Variants in PLCB1 observed in about 807,000 individuals in gnomAD.
The protein encoded by PLCB1 is 1-phosphatidylinositol 4,5-bisphosphate phosphodiesterase beta-1.
A neutral mutation model predicts 161.8 loss-of-function variants in PLCB1; 46 were observed. The ratio of observed to expected loss-of-function variants is 0.28; its 90% CI spans 0.22 to 0.36. The LOEUF is 0.36. Ranked by LOEUF, PLCB1 falls within the 10% of genes least tolerant of loss-of-function variation. The pLI, the probability that PLCB1 is intolerant of heterozygous loss-of-function variation, is 1.00. For synonymous variants in PLCB1, 517 were observed against 503.7 expected, an observed-to-expected ratio of 1.03 and a Z score of -0.35; for missense variants, 1,016 against 1,472.5, an observed-to-expected ratio of 0.69 and a Z score of 5.07.
Position 8,695,306 on chromosome 20 carries a change from C to G in PLCB1, c.1010-2320C>G, listed in dbSNP as rs1990560924. On this transcript the variant is annotated intron_variant, in intron 10 of 31. Transcript: ENST00000338037. ...AAAATTAAGCTAGTAGGCTTAATCC[C>G]ATTTTCTTTGTCCTGTGTGTCTCCA... 2.0e-5 allele frequency among the ~76,000 whole-genome samples: 3 copies of G among 152,194 alleles called. 1 individual carries two copies. The South Asian group carries it at 6.2e-4, about 31-fold the overall frequency.
At chr20:8,734,020 C>T (rs1197648678) in intron 19 of PLCB1, among the ~76,000 whole-genome samples, 2 of 145,500 alleles carry the variant, frequency 1.4e-5, no homozygotes, top group African/African-American at 2.5e-5. Context: ...GCCAGCTACT[C>T]AAGAGGCTGA....
In PLCB1 at chr20:8,504,944, T is replaced by G. The variant is rs74887854; in HGVS notation, c.247-123350T>G. On this transcript the variant is annotated intron_variant, in intron 3 of 31. Coordinates refer to ENST00000338037, the MANE Select transcript of PLCB1 (RefSeq NM_015192.4). ...GTTCAGTGGAACGACATTGGCTTAT[T>G]GCAGCTTGACCTCCTGGGCTCAAGT... Among the ~76,000 whole-genome samples the G allele has an allele frequency of 1.5e-3, 222 of 152,292 alleles. 1 individual carries two copies. The highest frequency in any genetic ancestry group is 2.6e-3 in the Non-Finnish European group (177 of 68,026).
chr20:8,141,029 G>A (rs2123013260), intron 1 of PLCB1, among the ~76,000 whole-genome samples: 1 of 152,046 alleles, frequency 6.6e-6, no homozygotes, highest in Non-Finnish European at 1.5e-5. Flanking sequence ...AACTCCTGAT[G>A]TCATGATCCA....
At chr20:8,150,871 A>G (rs548906816) in intron 2 of PLCB1, among the ~76,000 whole-genome samples, 1 of 152,304 alleles carries the variant, frequency 6.6e-6, no homozygotes, top group African/African-American at 2.4e-5. Flanking sequence ...AAATTCCTTT[A>G]GCCTATTCCT....
intron 31 of PLCB1, among the ~76,000 whole-genome samples, chr20:8,806,617 T>G (rs1568607062): frequency 6.6e-6 from 1 of 152,180 alleles, no homozygotes; most frequent in Admixed American, 6.5e-5. Flanking sequence ...TGCCCCAGCC[T>G]TAGAACAGAA....
At chr20:8,864,267 A>G (rs1442384378) in intron 31 of PLCB1, among the ~76,000 whole-genome samples, 3 of 152,184 alleles carry the variant, frequency 2.0e-5, no homozygotes, top group African/African-American at 7.2e-5. Context: ...CTGGTCTTAG[A>G]TGATTTCTAT....
chr20:8,880,501 A>C (rs916244005), intron 31 of PLCB1, among the ~76,000 whole-genome samples: 1 of 151,734 alleles, frequency 6.6e-6, no homozygotes, highest in African/African-American at 2.4e-5. Context: ...AAGGCAAATA[A>C]AAATTAGAAT....
At chr20:8,684,130 C>T (rs1011864870) in intron 9 of PLCB1, among the ~76,000 whole-genome samples, 19 of 152,140 alleles carry the variant, frequency 1.2e-4, no homozygotes, top group African/African-American at 4.3e-4. Context: ...GTGATCTGCC[C>T]ACCTTGGCCT....
At chr20:8,196,101 C>T (rs1023052322) in intron 2 of PLCB1, among the ~76,000 whole-genome samples, 2 of 151,930 alleles carry the variant, frequency 1.3e-5, no homozygotes, top group Non-Finnish European at 2.9e-5. Flanking sequence ...TGGGGGAACC[C>T]GCCCCATCAT....
intron 2 of PLCB1, among the ~76,000 whole-genome samples, chr20:8,181,896 G>T (rs2051847698): frequency 1.3e-5 from 2 of 152,170 alleles, no homozygotes; most frequent in Non-Finnish European, 2.9e-5. Flanking sequence ...TTGAGCCCAA[G>T]AGTTACAGGT....
intron 2 of PLCB1, among the ~76,000 whole-genome samples, chr20:8,199,083 A>G (rs1454692792): frequency 1.3e-5 from 2 of 152,014 alleles, no homozygotes; most frequent in African/African-American, 4.8e-5. Context: ...TTTATTTACC[A>G]AAAGTGTGTG....
chr20:8,551,374 T>G lies in PLCB1; in HGVS notation c.247-76920T>G, dbSNP rs368336159. ...TGGTTTTTATGTACTTTGTGTTCAT[T>G]GATACTTATTTTCTTTCTTGGCTTC... is the stretch of plus-strand genomic sequence containing the variant. On this transcript the variant is annotated intron_variant, in intron 3 of 31. Coordinates refer to ENST00000338037, the MANE Select transcript of PLCB1 (RefSeq NM_015192.4). Among the ~76,000 whole-genome samples the G allele has an allele frequency of 2.0e-5, 3 of 152,332 alleles. No homozygotes were observed. The East Asian group carries it at 5.8e-4, about 29-fold the overall frequency.
At position 8,851,523 on chromosome 20, in the gene PLCB1, T is replaced by C. The variant is rs35316007; in HGVS notation, c.3424-30099T>C. On this transcript the variant is annotated intron_variant, in intron 31 of 31. Transcript: ENST00000338037. ...CTTATCCTGTATGGTAGTGGGTTAC[T>C]TTTTGCATGCCAACTCCATCATATG... 5.3e-3 allele frequency among the ~76,000 whole-genome samples: 802 copies of C among 152,306 alleles called. 3 individuals carry two copies. Among genetic ancestry groups the C allele is most frequent in the Non-Finnish European group, 9.2e-3 (625 of 68,024 alleles).
intron 3 of PLCB1, among the ~76,000 whole-genome samples, chr20:8,455,099 G>C (rs949810229): frequency 6.6e-6 from 1 of 151,930 alleles, no homozygotes; most frequent in African/African-American, 2.4e-5. Flanking sequence ...TTGGGAAGCC[G>C]AGGTGGGCAG....
At chr20:8,151,197 T>C (rs1221404764) in intron 2 of PLCB1, among the ~76,000 whole-genome samples, 1 of 152,156 alleles carries the variant, frequency 6.6e-6, no homozygotes. Flanking sequence ...GCTAAATACA[T>C]ACTGAAAACA....
intron 2 of PLCB1, among the ~76,000 whole-genome samples, chr20:8,222,817 A>C (rs1451836154): frequency 6.6e-6 from 1 of 152,154 alleles, no homozygotes; most frequent in South Asian, 2.1e-4. Context: ...AACCTTAATT[A>C]CATCAGCCTT....
rs201164458 is a variant in PLCB1 at position 8,629,879 on chromosome 20, C to G, written c.384+1448C>G. ...TTTCTTTCTTTCTTTCTTTCTTTCT[C>G]TCTCTCTTTCTTTTCTTTCTTTCTT... is the stretch of plus-strand genomic sequence containing the variant. On this transcript the variant is annotated intron_variant, in intron 4 of 31. Coordinates refer to ENST00000338037, the MANE Select transcript of PLCB1 (RefSeq NM_015192.4). 4.7e-3 allele frequency among the ~76,000 whole-genome samples: 423 copies of G among 89,834 alleles called. 12 individuals carry two copies. Among genetic ancestry groups the G allele is most frequent in the Admixed American group, 0.041 (359 of 8,708 alleles). The allele number at this position is 89,834 out of a possible 152,430, so 58.9% of individuals were successfully genotyped here. A position where few individuals can be genotyped will look rare whatever the true frequency, so the allele number is the denominator to read the frequency against.
chr20:8,270,858 C>T (rs1022956321), intron 2 of PLCB1, among the ~76,000 whole-genome samples: 1 of 152,028 alleles, frequency 6.6e-6, no homozygotes, highest in African/African-American at 2.4e-5. Context: ...TTAAATGCCT[C>T]AGTTATATAG....
chr20:8,265,053 C>T (rs759998981), intron 2 of PLCB1, among the ~76,000 whole-genome samples: 2 of 152,092 alleles, frequency 1.3e-5, no homozygotes, highest in African/African-American at 4.8e-5. Context: ...GAAATGGCTA[C>T]GCTGAAAATA....
Sources: gnomAD v4.1 joint callset for allele counts (sites outside exome capture counted in the v4.1 genomes callset) on GRCh38, gnomAD v4.1.1 for gene constraint, MANE v1.5 for transcripts, NCBI Gene and HGNC (gene_info 2026-07-23, HGNC 2026-07-21) for gene names.